The following VAV3 variants were observed in gnomAD, a reference collection of about 807,000 sequenced individuals.
VAV3 encodes guanine nucleotide exchange factor VAV3.
VAV3 carries 94 observed loss-of-function variants against 131.2 expected under a neutral mutation model. The ratio of observed to expected loss-of-function variants is 0.72; its 90% CI spans 0.61 to 0.85. The LOEUF is 0.85. Ranked by LOEUF, VAV3 falls within the 40% of genes least tolerant of loss-of-function variation. The pLI, the probability that VAV3 is intolerant of heterozygous loss-of-function variation, is 0.00. For synonymous variants in VAV3, 349 were observed against 342.0 expected (o/e 1.02, Z -0.22); for missense variants, 939 against 1,002.7 (o/e 0.94, Z 0.86).
chr1:107,755,902 T>C (rs1486329545), intron 11 of VAV3, among the ~76,000 whole-genome samples: 1 of 152,218 alleles, frequency 6.6e-6, no homozygotes, highest in East Asian at 1.9e-4. Flanking sequence ...AGGGCAATCA[T>C]GAACGATTAG....
At chr1:107,891,051 A>G (rs1671287251) in intron 1 of VAV3, among the ~76,000 whole-genome samples, 1 of 151,426 alleles carries the variant, frequency 6.6e-6, no homozygotes, top group Non-Finnish European at 1.5e-5. Context: ...TCTGCCTAAA[A>G]CAGAATTTCT....
intron 1 of VAV3, among the ~76,000 whole-genome samples, chr1:107,880,899 T>A (rs1403617935): frequency 6.6e-6 from 1 of 152,214 alleles, no homozygotes; most frequent in Non-Finnish European, 1.5e-5. Flanking sequence ...GCTTGCTATG[T>A]GTCAAGCTCT....
intron 15 of VAV3, among the ~76,000 whole-genome samples, chr1:107,715,272 T>G (rs1220036847): frequency 6.6e-6 from 1 of 152,160 alleles, no homozygotes; most frequent in African/African-American, 2.4e-5. Flanking sequence ...GTGTGCATTT[T>G]AATAAATAAA....
In VAV3 at chr1:107,749,042, T is replaced by C. The variant is rs1207213917; in HGVS notation, c.1428A>G (p.Gly476=). 1 of 1,612,250 alleles carries C rather than the reference T, an allele frequency of 6.2e-7. No homozygotes were observed. Among genetic ancestry groups the C allele is most frequent in the Non-Finnish European group, 8.5e-7 (1 of 1,179,178 alleles). The change falls in exon 15 of 27, where the codon GGA becomes GGG. Residue 476 remains glycine (G), a synonymous_variant. Coordinates refer to ENST00000370056, the MANE Select transcript of VAV3 (RefSeq NM_006113.5). ...TGCAATAAAATTCTAACCCATTTTG[T>C]CCTTGGGTATGGATGAGGTAGAAGC... is the stretch of plus-strand genomic sequence containing the variant. ...SYGFYLIHTQ[G]QNGLEFYCKT...
At chr1:107,637,711 C>T (rs955476926) in intron 20 of VAV3, among the ~76,000 whole-genome samples, 5 of 152,164 alleles carry the variant, frequency 3.3e-5, no homozygotes, top group Admixed American at 1.3e-4. Flanking sequence ...GTAAATTCTA[C>T]GACACACTTC....
rs1656313940 is a variant in VAV3, at chr1:107,653,371, A to G, written c.1778-10616T>C. The stretch of plus-strand genomic sequence containing the variant: ...TTCTTCCATAACAAACTTCTGAAAT[A>G]GAACAAGGGAAATGCAGAAGAGTAG... On this transcript the variant is annotated intron_variant, in intron 19 of 26. Coordinates refer to ENST00000370056, the MANE Select transcript of VAV3 (RefSeq NM_006113.5). Among the ~76,000 whole-genome samples the G allele has an allele frequency of 2.0e-5, 3 of 152,082 alleles. No individual in the cohort carries two copies. The South Asian group carries it at 6.2e-4, about 31-fold the overall frequency.
chr1:107,716,859 G>A (rs558496786), intron 15 of VAV3, among the ~76,000 whole-genome samples: 22 of 152,194 alleles, frequency 1.4e-4, no homozygotes, highest in South Asian at 4.2e-4. Context: ...CTGTGAATCC[G>A]TCTGGTCCTG....
At chr1:107,942,235 A>G (rs1674029765) in intron 1 of VAV3, among the ~76,000 whole-genome samples, 1 of 152,180 alleles carries the variant, frequency 6.6e-6, no homozygotes. Flanking sequence ...TAGTGAGATG[A>G]TGAATATTTT....
intron 19 of VAV3, among the ~76,000 whole-genome samples, chr1:107,645,066 T>C (rs895603616): frequency 1.3e-5 from 2 of 152,012 alleles, no homozygotes; most frequent in African/African-American, 2.4e-5. Flanking sequence ...TTTTCTGGTA[T>C]TGCTTTCTTC....
chr1:107,609,891 G>A, intron 22 of VAV3, 40 bp downstream of exon 22: 2 of 1,598,356 alleles, frequency 1.3e-6, no homozygotes, highest in East Asian at 2.2e-5. Context: ...CTAAGGGTAT[G>A]GTATTTCAAC....
At chr1:107,749,943 G>A (rs1429469118) in intron 13 of VAV3, among the ~76,000 whole-genome samples, 1 of 152,146 alleles carries the variant, frequency 6.6e-6, no homozygotes, top group East Asian at 1.9e-4. Context: ...AAAACCTATA[G>A]AATAATATTA....
intron 19 of VAV3, among the ~76,000 whole-genome samples, chr1:107,656,637 T>A: frequency 6.6e-6 from 1 of 152,134 alleles, no homozygotes; most frequent in East Asian, 1.9e-4. Context: ...AAAAGATAAA[T>A]ACATAAGGTG....
At chr1:107,718,445 C>T (rs1447733403) in intron 15 of VAV3, among the ~76,000 whole-genome samples, 1 of 152,076 alleles carries the variant, frequency 6.6e-6, no homozygotes, top group African/African-American at 2.4e-5. Flanking sequence ...CATGAGTGAA[C>T]GCCCATTCAC....
At chr1:107,920,420 C>A (rs1323918524) in intron 1 of VAV3, among the ~76,000 whole-genome samples, 1 of 152,146 alleles carries the variant, frequency 6.6e-6, no homozygotes. Flanking sequence ...TAAAACCAAA[C>A]CAAACCAAAC....
chr1:107,594,834 C>G (rs760681959), intron 25 of VAV3, among the ~76,000 whole-genome samples: 1 of 152,062 alleles, frequency 6.6e-6, no homozygotes, highest in Non-Finnish European at 1.5e-5. Flanking sequence ...GTCTGCCCCA[C>G]TTCTCCCTCC....
chr1:107,715,177 G>C (rs1396716419), intron 15 of VAV3, among the ~76,000 whole-genome samples: 2 of 152,078 alleles, frequency 1.3e-5, no homozygotes, highest in Non-Finnish European at 2.9e-5. Flanking sequence ...ACATCCAGGA[G>C]TGGGAGAAGA....
At chr1:107,668,314 T>A (rs781367150) in intron 19 of VAV3, among the ~76,000 whole-genome samples, 3 of 152,244 alleles carry the variant, frequency 2.0e-5, no homozygotes, top group Non-Finnish European at 4.4e-5. Context: ...CTTCTAGTTA[T>A]GGAAACACAT....
intron 19 of VAV3, among the ~76,000 whole-genome samples, chr1:107,662,944 C>T (rs17538784): frequency 0.13 from 20,418 of 152,170 alleles, 1,476 homozygotes; most frequent in Non-Finnish European, 0.16. Context: ...ATCGACTTCT[C>T]GGGCTGCTCC....
intron 15 of VAV3, among the ~76,000 whole-genome samples, chr1:107,721,832 C>T (rs1300167834): frequency 2.6e-5 from 4 of 152,214 alleles, no homozygotes; most frequent in Admixed American, 6.5e-5. Flanking sequence ...TGACTGAGGG[C>T]CACCATTCAC....
Sources: allele counts gnomAD v4.1 joint callset (sites outside exome capture counted in the v4.1 genomes callset), GRCh38; gene constraint gnomAD v4.1.1; transcripts MANE v1.5; gene names NCBI Gene and HGNC (gene_info 2026-07-23, HGNC 2026-07-21).